The following STAG1 variants were observed in gnomAD, a reference collection of about 807,000 sequenced individuals.
The protein encoded by STAG1 is STAG1 cohesin complex component.
A neutral mutation model predicts 170.9 loss-of-function variants in STAG1; 26 were observed. The observed-to-expected ratio is 0.15, with a 90% CI of 0.11 to 0.21. The LOEUF (loss-of-function observed/expected upper bound fraction) is 0.21. Ranked by LOEUF, STAG1 falls within the 10% of genes least tolerant of loss-of-function variation. The probability of loss-of-function intolerance (pLI) is 1.00; values close to 1 mark genes in which losing one functional copy is unlikely to be tolerated. For synonymous variants in STAG1, 514 were observed against 497.7 expected (o/e 1.03, Z -0.44); for missense variants, 964 against 1,509.5 (o/e 0.64, Z 5.99).
intron 1 of STAG1, among the ~76,000 whole-genome samples, chr3:136,697,610 T>C (rs1234109680): frequency 6.6e-6 from 1 of 152,206 alleles, no homozygotes; most frequent in African/African-American, 2.4e-5. Flanking sequence ...ATTCCAATTA[T>C]TTCTAATGTC....
chr3:136,606,065 T>C (rs2107810317), intron 3 of STAG1, among the ~76,000 whole-genome samples: 1 of 152,292 alleles, frequency 6.6e-6, no homozygotes, highest in East Asian at 1.9e-4. Flanking sequence ...AAAAAAGTTA[T>C]GAAGATAGTA....
At chr3:136,383,495 T>C (rs970929516) in intron 22 of STAG1, among the ~76,000 whole-genome samples, 1 of 152,170 alleles carries the variant, frequency 6.6e-6, no homozygotes, top group African/African-American at 2.4e-5. Flanking sequence ...AAAGTAAATA[T>C]GCTTAACTTA....
At chr3:136,484,771 A>G (rs1181848451) in intron 9 of STAG1, among the ~76,000 whole-genome samples, 7 of 150,648 alleles carry the variant, frequency 4.6e-5, no homozygotes, top group East Asian at 4.1e-4. Flanking sequence ...TGTGGGATAT[A>G]GTCTCCTGGT....
At chr3:136,402,521 G>T (rs946528951) in intron 21 of STAG1, among the ~76,000 whole-genome samples, 10 of 151,926 alleles carry the variant, frequency 6.6e-5, no homozygotes, top group African/African-American at 2.4e-4. Flanking sequence ...CGGCCTAGCT[G>T]ATTTTACTTT....
At chr3:136,399,651 G>A (rs696515) in intron 21 of STAG1, among the ~76,000 whole-genome samples, 152,241 of 152,266 alleles carry the variant, frequency 1, 76,108 homozygotes, top group Non-Finnish European at 1. Context: ...TTAGGCCATT[G>A]TGGATCATAT....
At chr3:136,741,384 T>A (rs1433074630) in intron 1 of STAG1, among the ~76,000 whole-genome samples, 1 of 152,238 alleles carries the variant, frequency 6.6e-6, no homozygotes, top group Admixed American at 6.5e-5. Flanking sequence ...AGGGTAAAAC[T>A]TCAAACTCTT....
At chr3:136,698,203 A>G (rs183343313) in intron 1 of STAG1, among the ~76,000 whole-genome samples, 9 of 152,254 alleles carry the variant, frequency 5.9e-5, no homozygotes, top group African/African-American at 2.2e-4. Flanking sequence ...CAGCAAAATA[A>G]TCAGCAAACA....
In STAG1 at chr3:136,340,919, AT is replaced by A. The variant is rs536188783; in HGVS notation, c.3558-315del. On this transcript the variant is annotated intron_variant, in intron 31 of 33. Coordinates refer to ENST00000383202, the MANE Select transcript of STAG1 (RefSeq NM_005862.3). ...TACAAATGAGGAACCTGAAGCACAG[AT>A]TTTTTTGAGACGGCGTCTTGCTCTG... Among the ~76,000 whole-genome samples the A allele has an allele frequency of 9.9e-5, 15 of 152,202 alleles. No individual in the cohort carries two copies. The East Asian group carries it at 2.9e-3, about 29-fold the overall frequency.
chr3:136,690,818 G>A (rs1942696175), intron 1 of STAG1, among the ~76,000 whole-genome samples: 1 of 151,816 alleles, frequency 6.6e-6, no homozygotes, highest in Non-Finnish European at 1.5e-5. Flanking sequence ...GGAAACAAAG[G>A]TGGTTAAGGG....
At chr3:136,524,968 T>C (rs1250816187) in intron 6 of STAG1, among the ~76,000 whole-genome samples, 1 of 152,194 alleles carries the variant, frequency 6.6e-6, no homozygotes, top group African/African-American at 2.4e-5. Context: ...GTGGATGAAC[T>C]TTTTGATGTG....
chr3:136,561,867 A>G (rs1310360324), intron 5 of STAG1, among the ~76,000 whole-genome samples: 2 of 151,666 alleles, frequency 1.3e-5, no homozygotes, highest in Admixed American at 1.3e-4. Flanking sequence ...AGATTTACAG[A>G]AAAGACAGCA....
intron 9 of STAG1, among the ~76,000 whole-genome samples, chr3:136,481,767 TG>T: frequency 1.0e-5 from 1 of 99,146 alleles, no homozygotes; most frequent in African/African-American, 3.8e-5. Flanking sequence ...AGCCTGTTAT[TG>T]GTCTATTCAG....
At chr3:136,414,896 G>T (rs1301317945) in intron 21 of STAG1, among the ~76,000 whole-genome samples, 1 of 152,148 alleles carries the variant, frequency 6.6e-6, no homozygotes, top group African/African-American at 2.4e-5. Flanking sequence ...TTTTGTCTCA[G>T]GGAATAGGGA....
At chr3:136,590,792 T>C (rs1347953699) in intron 4 of STAG1, among the ~76,000 whole-genome samples, 1 of 152,226 alleles carries the variant, frequency 6.6e-6, no homozygotes, top group East Asian at 1.9e-4. Flanking sequence ...CTATGGGTTA[T>C]AAAATCTGAA....
chr3:136,539,811 T>C (rs1281760021), intron 6 of STAG1, among the ~76,000 whole-genome samples: 5 of 152,236 alleles, frequency 3.3e-5, no homozygotes, highest in Non-Finnish European at 5.9e-5. Context: ...AATAATCTGT[T>C]TGTAACAAAG....
At chr3:136,464,084 T>A (rs894513027) in intron 13 of STAG1, among the ~76,000 whole-genome samples, 1 of 151,628 alleles carries the variant, frequency 6.6e-6, no homozygotes, top group South Asian at 2.1e-4. Flanking sequence ...ACTGCAACTA[T>A]ATATATATAA....
intron 3 of STAG1, among the ~76,000 whole-genome samples, chr3:136,606,754 T>C (rs1358900770): frequency 1.4e-5 from 2 of 147,624 alleles, no homozygotes; most frequent in Non-Finnish European, 3.0e-5. Context: ...AACATGCTTT[T>C]TTTTTTTTTT....
intron 1 of STAG1, among the ~76,000 whole-genome samples, chr3:136,684,953 G>T (rs1277708103): frequency 6.6e-6 from 1 of 152,084 alleles, no homozygotes; most frequent in Non-Finnish European, 1.5e-5. Flanking sequence ...ATGACCCTGG[G>T]TTTGGAGATG....
At chr3:136,740,230 G>A (rs772529604) in intron 1 of STAG1, among the ~76,000 whole-genome samples, 23 of 152,070 alleles carry the variant, frequency 1.5e-4, no homozygotes, top group Admixed American at 3.9e-4. Flanking sequence ...GCAACAAAGC[G>A]AGATTCCATC....
Sources: allele counts gnomAD v4.1 joint callset (sites outside exome capture counted in the v4.1 genomes callset), GRCh38; gene constraint gnomAD v4.1.1; transcripts MANE v1.5; gene names NCBI Gene and HGNC (gene_info 2026-07-23, HGNC 2026-07-21).